NUBP1: variants seen among roughly 807,000 people sequenced by gnomAD.
NUBP1 encodes the protein cytosolic Fe-S cluster assembly factor NUBP1.
Under a neutral mutation model 41.8 loss-of-function variants are expected in NUBP1, and 46 were observed. That is an observed-to-expected ratio of 1.10 (90% CI 0.87 to 1.41). The LOEUF is 1.41. Among genes scored for constraint, NUBP1 ranks in the 40% most tolerant of loss-of-function variants. The pLI, the probability that NUBP1 is intolerant of heterozygous loss-of-function variation, is 0.00. For synonymous variants in NUBP1, 189 were observed against 154.6 expected, an observed-to-expected ratio of 1.22 and a Z score of -1.65; for missense variants, 494 against 414.0, an observed-to-expected ratio of 1.19 and a Z score of -1.68.
Position 10,765,552 on chromosome 16 carries a change from T to G in NUBP1, c.821-2397T>G, listed in dbSNP as rs923863666. Among the ~76,000 whole-genome samples the G allele has an allele frequency of 5.3e-5, 8 of 152,006 alleles. No homozygotes were observed. Among genetic ancestry groups the G allele is most frequent in the Non-Finnish European group, 2.9e-5 (2 of 67,980 alleles). The stretch of plus-strand genomic sequence containing the variant: ...GCATGCTTGCTGACCCACCCAAATA[T>G]GTCCACGGGCCCAGCCACAGGCCTG... On this transcript the variant is annotated intron_variant, in intron 9 of 10. Coordinates refer to ENST00000283027, the MANE Select transcript of NUBP1 (RefSeq NM_002484.4). This position sits in a 1 kb window ranked among gnomAD's most constrained non-coding sequence, Gnocchi z 4.0.
chr16:10,764,825 G>A (rs1596474778), intron 9 of NUBP1, among the ~76,000 whole-genome samples: 1 of 94,556 alleles, frequency 1.1e-5, no homozygotes, highest in Non-Finnish European at 2.3e-5. Flanking sequence ...GTCTGCTGGA[G>A]TATGTCAGTC....
At chr16:10,746,930 C>G (rs886200043) in intron 2 of NUBP1, among the ~76,000 whole-genome samples, 2 of 152,092 alleles carry the variant, frequency 1.3e-5, no homozygotes, top group African/African-American at 4.8e-5. Context: ...AACGTGTAAA[C>G]CAATAAATGA....
At chr16:10,744,867 C>T (rs1567252465) in intron 2 of NUBP1, among the ~76,000 whole-genome samples, 1 of 151,798 alleles carries the variant, frequency 6.6e-6, no homozygotes, top group African/African-American at 2.4e-5. Flanking sequence ...AAGCGATTCT[C>T]GTGCCTCAGT....
At chr16:10,751,076 C>G (rs567750568) in intron 3 of NUBP1, among the ~76,000 whole-genome samples, 1 of 152,314 alleles carries the variant, frequency 6.6e-6, no homozygotes, top group South Asian at 2.1e-4. Flanking sequence ...GTAGCAGGAG[C>G]TTGTCAACAG....
At chr16:10,756,894 AT>A in intron 6 of NUBP1, 114 bp downstream of exon 6, 2 of 747,940 alleles carry the variant, frequency 2.7e-6, no homozygotes, top group East Asian at 3.3e-5. Flanking sequence ...ACAGTATATT[AT>A]TTTTAACCAT....
intron 1 of NUBP1, 36 bp downstream of exon 1, chr16:10,743,918 A>C (rs1441309903): frequency 3.2e-6 from 5 of 1,578,282 alleles, no homozygotes; most frequent in Non-Finnish European, 4.3e-6. Context: ...CGCGGGGCGA[A>C]AGTGTCGGGA....
At chr16:10,755,806 C>T in intron 5 of NUBP1, 53 bp downstream of exon 5, 2 of 1,559,154 alleles carry the variant, frequency 1.3e-6, no homozygotes, top group Non-Finnish European at 1.8e-6. Flanking sequence ...GTTGTGTGTA[C>T]ATAATGGGTT....
chr16:10,749,924 G>T lies in NUBP1; in HGVS notation c.258+2648G>T, dbSNP rs1900240696. On this transcript the variant is annotated intron_variant, in intron 3 of 10. Transcript: ENST00000283027. The surrounding 1 kb of genome is among the most constrained non-coding windows in gnomAD (Gnocchi z 4.1). The stretch of plus-strand genomic sequence containing the variant: ...GGTGAAGGCAGAAGGAGCCTCTGTA[G>T]CATAAGCCTGAGCCATGAGACAGCC... Among the ~76,000 whole-genome samples the T allele has an allele frequency of 6.6e-6, 1 of 152,218 alleles. No homozygotes were observed. The highest frequency in any genetic ancestry group is 1.5e-5 in the Non-Finnish European group (1 of 68,044).
At chr16:10,750,694 T>G (rs529032460) in intron 3 of NUBP1, among the ~76,000 whole-genome samples, 1 of 152,326 alleles carries the variant, frequency 6.6e-6, no homozygotes, top group South Asian at 2.1e-4. Context: ...CCGGAGCAGT[T>G]GTCTCACAGA....
rs11716 is a variant in NUBP1, at chr16:10,769,107, A to G, written c.*2A>G. On this transcript the variant is annotated 3_prime_UTR_variant, in exon 11 of 11. Coordinates refer to ENST00000283027, the MANE Select transcript of NUBP1 (RefSeq NM_002484.4). ...GAAGAGAACCTCATCAGTTCCTGAA[A>G]CGAGAGAATGTTCAGGACCAAGCAG... 0.25 allele frequency: 403,879 copies of G among 1,612,174 alleles called. 53,979 individuals are homozygous for G. Among genetic ancestry groups the G allele is most frequent in the African/African-American group, 0.48 (35,931 of 74,788 alleles).
Position 10,768,271 on chromosome 16 carries a change from T to A in NUBP1, c.904+239T>A. On this transcript the variant is annotated intron_variant, in intron 10 of 10. Coordinates refer to ENST00000283027, the MANE Select transcript of NUBP1 (RefSeq NM_002484.4). The surrounding 1 kb of genome is among the most constrained non-coding windows in gnomAD (Gnocchi z 4.3). ...TTATGGCTTAGGAAATACATCCCAA[T>A]AAAGGGATAAAGTAATTCATTTTTA... 6.1e-6 allele frequency: 2 copies of A among 326,024 alleles called. No homozygotes were observed. The highest frequency in any genetic ancestry group is 1.1e-5 in the Non-Finnish European group (2 of 178,544). The allele number at this position is 326,024 out of a possible 1,614,324, so 20.2% of individuals were successfully genotyped here. A position where few individuals can be genotyped will look rare whatever the true frequency, so the allele number is the denominator to read the frequency against.
chr16:10,747,964 T>C (rs1029109447), intron 3 of NUBP1, among the ~76,000 whole-genome samples: 1 of 152,186 alleles, frequency 6.6e-6, no homozygotes, highest in African/African-American at 2.4e-5. Context: ...TTTTGTTTGT[T>C]TGAGACAGGA....
chr16:10,760,100 G>A (rs899366663), intron 7 of NUBP1, among the ~76,000 whole-genome samples: 1 of 152,212 alleles, frequency 6.6e-6, no homozygotes, highest in African/African-American at 2.4e-5. Context: ...AGAAGGAAAT[G>A]CAAAGTTGTC....
Position 10,759,177 on chromosome 16 carries a change from T to TA in NUBP1, c.606+1155dup, listed in dbSNP as rs1355329726. On this transcript the variant is annotated intron_variant, in intron 7 of 10. Transcript: ENST00000283027. The surrounding 1 kb of genome is among the most constrained non-coding windows in gnomAD (Gnocchi z 4.7). The stretch of plus-strand genomic sequence containing the variant: ...TCTGACATGCCGGGCACCAGGGCAG[T>TA]AAAAAGGCCTGGCTCTCCCTGGTGG... Among the ~76,000 whole-genome samples the TA allele has an allele frequency of 6.6e-6, 1 of 152,138 alleles. No homozygotes were observed. Among genetic ancestry groups the TA allele is most frequent in the East Asian group, 1.9e-4 (1 of 5,192 alleles).
Position 10,747,693 on chromosome 16 carries a change from G to C in NUBP1, c.258+417G>C, listed in dbSNP as rs185456568. On this transcript the variant is annotated intron_variant, in intron 3 of 10. Coordinates refer to ENST00000283027, the MANE Select transcript of NUBP1 (RefSeq NM_002484.4). ...ATTGGCCTCTTTGGAATCTCAATCC[G>C]GCAGAGAGCAAAGAAATGCCCAGTA... Among the ~76,000 whole-genome samples, 512 of 152,260 alleles carry C rather than the reference G, an allele frequency of 3.4e-3. 1 individual carries two copies. The highest frequency in any genetic ancestry group is 5.8e-3 in the Non-Finnish European group (397 of 68,014).
chr16:10,744,767 C>CA (rs1555472073), intron 2 of NUBP1, among the ~76,000 whole-genome samples: 1 of 150,824 alleles, frequency 6.6e-6, no homozygotes, highest in African/African-American at 2.4e-5. Context: ...TTTTTTCCCC[C>CA]TTTTTTTTTA....
rs1421881977 is a variant in NUBP1, at chr16:10,766,104, A to C, written c.821-1845A>C. On this transcript the variant is annotated intron_variant, in intron 9 of 10. Transcript: ENST00000283027. This position sits in a 1 kb window ranked among gnomAD's most constrained non-coding sequence, Gnocchi z 4.8. ...GTCTCCTCTGGGGACATGGTGGCAA[A>C]GAGTTACAGATGCCAGCGCTCTGGT... 2 of 152,388 alleles carry C rather than the reference A, an allele frequency of 1.3e-5. No individual in the cohort carries two copies. Among genetic ancestry groups the C allele is most frequent in the Non-Finnish European group, 2.9e-5 (2 of 68,186 alleles). 9.4% of individuals were successfully genotyped at this position (152,388 alleles called of 1,614,324 possible).
Position 10,768,853 on chromosome 16 carries a change from G to T in NUBP1, c.905-194G>T. On this transcript the variant is annotated intron_variant, in intron 10 of 10. Transcript: ENST00000283027. The surrounding 1 kb of genome is among the most constrained non-coding windows in gnomAD (Gnocchi z 4.3). ...GGTCCGAGGAAGGCCGCAGCCACTGGTTATGAGCAAGATGGGTAGTGTGAG... is the reference window on the plus strand; with the variant it reads ...GGTCCGAGGAAGGCCGCAGCCACTGTTTATGAGCAAGATGGGTAGTGTGAG... 1.8e-6 allele frequency: 1 copy of T among 548,832 alleles called. No homozygotes were observed. Among genetic ancestry groups the T allele is most frequent in the Non-Finnish European group, 3.2e-6 (1 of 307,768 alleles). 34.0% of individuals were successfully genotyped at this position (548,832 alleles called of 1,614,324 possible). A position where few individuals can be genotyped will look rare whatever the true frequency, so the allele number is the denominator to read the frequency against.
At chr16:10,746,327 G>T (rs546671206) in intron 2 of NUBP1, among the ~76,000 whole-genome samples, 129 of 152,336 alleles carry the variant, frequency 8.5e-4, no homozygotes, top group Middle Eastern at 3.4e-3. Context: ...CCTCAGCACT[G>T]CTGACATTTG....
Sources: allele counts gnomAD v4.1 joint callset (sites outside exome capture counted in the v4.1 genomes callset), GRCh38; gene constraint gnomAD v4.1.1; non-coding constraint Gnocchi (gnomAD v3.1); transcripts MANE v1.5; gene names NCBI Gene and HGNC (gene_info 2026-07-23, HGNC 2026-07-21).